MAST2: variants seen among roughly 807,000 people sequenced by gnomAD.
MAST2 encodes the protein microtubule-associated serine/threonine-protein kinase 2.
A neutral mutation model predicts 147.4 loss-of-function variants in MAST2; 70 were observed. The ratio of observed to expected loss-of-function variants is 0.47; its 90% CI spans 0.39 to 0.58. The LOEUF (loss-of-function observed/expected upper bound fraction) is 0.58. Ranked by LOEUF, MAST2 falls within the 20% of genes least tolerant of loss-of-function variation. MAST2 has a pLI of 0.00. For missense variants in MAST2, 2,080 were observed against 2,302.3 expected (o/e 0.90, Z 1.98); for synonymous variants, 869 against 896.8 (o/e 0.97, Z 0.55).
rs925617211 is a variant in MAST2 at position 46,016,211 on chromosome 1, C to T, written c.1189-3385C>T. Among the ~76,000 whole-genome samples the T allele has an allele frequency of 4.7e-5, 4 of 84,552 alleles. No homozygotes were observed. The Admixed American group carries it at 4.7e-4, about 10-fold the overall frequency. 55.5% of individuals were successfully genotyped at this position (84,552 alleles called of 152,430 possible). ...AGAGCTATCTATGACAAACCCACAG[C>T]CAATATCATACTGAATTGAATGGGC... On this transcript the variant is annotated intron_variant, in intron 10 of 28. Transcript: ENST00000361297.
rs971810223 is a variant in MAST2 at position 45,894,392 on chromosome 1, T to C, written c.500+11997T>C. Among the ~76,000 whole-genome samples the C allele has an allele frequency of 2.0e-5, 3 of 152,258 alleles. No individual in the cohort carries two copies. The East Asian group carries it at 5.8e-4, about 29-fold the overall frequency. ...ATTTAACCGAAGTGACGGTAAAACA[T>C]TTATAAACAAACATAGAAAGTAACA... is the stretch of plus-strand genomic sequence containing the variant. On this transcript the variant is annotated intron_variant, in intron 4 of 28. Transcript: ENST00000361297.
intron 4 of MAST2, 131 bp downstream of exon 4, chr1:45,882,526 T>C: frequency 1.5e-6 from 1 of 674,218 alleles, no homozygotes; most frequent in Non-Finnish European, 2.5e-6. Context: ...CTATCTGAGC[T>C]AGGGAAGCCA....
Position 46,035,154 on chromosome 1 carries a change from A to G in MAST2, c.4485A>G (p.Gln1495=). 1.2e-6 allele frequency: 2 copies of G among 1,613,918 alleles called. No individual in the cohort carries two copies. The highest frequency in any genetic ancestry group is 1.7e-6 in the Non-Finnish European group (2 of 1,180,024). The part of the protein sequence containing the change: ...RAERRESLQK[Q]EAIREVDSSE... ...AACGACGGGAGTCGCTGCAGAAGCA[A>G]GAAGCCATTCGTGAGGTGGACTCCT... The change falls in exon 29 of 29, where the codon CAA becomes CAG. Residue 1495 remains glutamine (Q), a synonymous_variant. Transcript: ENST00000361297. The surrounding 1 kb of genome is among the most constrained non-coding windows in gnomAD (Gnocchi z 5.5).
intron 4 of MAST2, among the ~76,000 whole-genome samples, chr1:45,908,442 C>T (rs1651132882): frequency 6.6e-6 from 1 of 152,116 alleles, no homozygotes; most frequent in Non-Finnish European, 1.5e-5. Flanking sequence ...TGCCTCTAAG[C>T]ACTCCTTTAA....
chr1:45,847,402 A>G lies in MAST2; in HGVS notation c.468+17821A>G, dbSNP rs1400627391. 7 of 537,270 alleles carry G rather than the reference A, an allele frequency of 1.3e-5. No homozygotes were observed. In the East Asian group the frequency reaches 1.4e-4, roughly 11 times the overall value. The allele number at this position is 537,270 out of a possible 1,614,324, so 33.3% of individuals were successfully genotyped here. On this transcript the variant is annotated intron_variant, in intron 3 of 28. Coordinates refer to ENST00000361297, the MANE Select transcript of MAST2 (RefSeq NM_015112.3). ...TTAGTTCACAAGCATCTTTGTTTGA[A>G]TATCTTTTTTTGGGGGGGATCAAGA... is the stretch of plus-strand genomic sequence containing the variant.
At chr1:45,997,002 G>C (rs1199576036) in intron 5 of MAST2, among the ~76,000 whole-genome samples, 1 of 152,118 alleles carries the variant, frequency 6.6e-6, no homozygotes, top group African/African-American at 2.4e-5. Context: ...CCAACAAGGG[G>C]CTCCTACGTA....
chr1:45,994,286 T>TTTTTTTTTA (rs1644965041), intron 5 of MAST2, among the ~76,000 whole-genome samples: 1 of 136,418 alleles, frequency 7.3e-6, no homozygotes. Flanking sequence ...TTTTTTTTTT[T>TTTTTTTTTA]TTTTTTTTTT....
At position 45,804,044 on chromosome 1, in the gene MAST2, G is replaced by T; in HGVS notation, c.149G>T (p.Gly50Val). ...AGGCAGCGGCTGGAGGAGCGGACGG[G>T]CCCCGCGGGGCCCGAGGGCAAGGAG... ...PGRQRLEERT[G>V]PAGPEGKEQD... The change falls in exon 1 of 29, where the codon GGC becomes GTC. Residue 50 changes from glycine to valine, a missense_variant. Around this residue, in one of 4 missense-constraint regions of MAST2, gnomAD observed 569 missense variants for 642.5 expected, o/e 0.89. Coordinates refer to ENST00000361297, the MANE Select transcript of MAST2 (RefSeq NM_015112.3). 7.9e-7 allele frequency: 1 copy of T among 1,270,260 alleles called. No homozygotes were observed. Among genetic ancestry groups the T allele is most frequent in the Non-Finnish European group, 1.0e-6 (1 of 997,224 alleles). The allele number at this position is 1,270,260 out of a possible 1,614,324, so 78.7% of individuals were successfully genotyped here.
At chr1:46,029,793 T>C in intron 19 of MAST2, 38 bp from the exon 20 acceptor site, 1 of 1,610,074 alleles carries the variant, frequency 6.2e-7, no homozygotes, top group Non-Finnish European at 8.5e-7. Flanking sequence ...TCCATGCTGC[T>C]CATCCTACCC....
intron 26 of MAST2, among the ~76,000 whole-genome samples, chr1:46,033,134 C>A (rs1383193289): frequency 6.6e-6 from 1 of 151,984 alleles, no homozygotes; most frequent in Non-Finnish European, 1.5e-5. Context: ...ATTAGCCAAG[C>A]GTGGTGGTAG....
In MAST2 at chr1:46,034,873, C is replaced by A; in HGVS notation, c.4204C>A (p.Leu1402Ile). ...TGCGGAGCCACCCCGTTCACCACTA[C>A]TCAAGAGGGTGCAGTCGGCTGAGAA... ...KSAEPPRSPL[L>I]KRVQSAEKLA... is the part of the protein sequence containing the mutation. The change falls in exon 29 of 29, where the codon CTC becomes ATC. Residue 1402 changes from leucine (L) to isoleucine (I), a missense_variant. This residue lies in a region of MAST2 where 1,278 missense variants were observed against 1,304.2 expected (regional missense o/e 0.98). Transcript: ENST00000361297. 1 of 1,614,264 alleles carries A rather than the reference C, an allele frequency of 6.2e-7. No individual in the cohort carries two copies. Among genetic ancestry groups the A allele is most frequent in the South Asian group, 1.1e-5 (1 of 91,090 alleles).
chr1:45,954,867 G>C (rs1391496102), intron 4 of MAST2, among the ~76,000 whole-genome samples: 1 of 152,224 alleles, frequency 6.6e-6, no homozygotes, highest in African/African-American at 2.4e-5. Context: ...TTTAAATAAG[G>C]TTAAGGCAAA....
At chr1:45,920,431 G>A (rs763676006) in intron 4 of MAST2, among the ~76,000 whole-genome samples, 1 of 152,122 alleles carries the variant, frequency 6.6e-6, no homozygotes, top group Non-Finnish European at 1.5e-5. Flanking sequence ...CAGTCTTAGG[G>A]CTTATTTTGC....
chr1:45,907,093 G>A (rs1338995297), intron 4 of MAST2, among the ~76,000 whole-genome samples: 1 of 152,122 alleles, frequency 6.6e-6, no homozygotes, highest in East Asian at 1.9e-4. Context: ...TATACTCCAT[G>A]ATGTTCACAT....
In MAST2 at chr1:46,000,334, A is replaced by G. The variant is rs189980044; in HGVS notation, c.669-2471A>G. On this transcript the variant is annotated intron_variant, in intron 6 of 28. Transcript: ENST00000361297. The stretch of plus-strand genomic sequence containing the variant: ...ATCTGAAACAAAACAAAACAAAAAA[A>G]GAACAGGAAGAGACTAAAGCCAGAG... Among the ~76,000 whole-genome samples the G allele has an allele frequency of 2.6e-5, 4 of 152,356 alleles. No homozygotes were observed. In the East Asian group the frequency reaches 7.7e-4, roughly 29 times the overall value.
At chr1:45,924,156 AC>A (rs1253430250) in intron 4 of MAST2, among the ~76,000 whole-genome samples, 1 of 152,152 alleles carries the variant, frequency 6.6e-6, no homozygotes, top group Non-Finnish European at 1.5e-5. Context: ...GGCATGAGCC[AC>A]CACACTCGGC....
chr1:45,893,646 A>G (rs936998845), intron 4 of MAST2, among the ~76,000 whole-genome samples: 5 of 152,054 alleles, frequency 3.3e-5, no homozygotes, highest in African/African-American at 1.2e-4. Flanking sequence ...GTTTCCTAAA[A>G]TCTGGCAGAG....
At chr1:45,843,588 G>A (rs1645341163) in intron 3 of MAST2, among the ~76,000 whole-genome samples, 1 of 152,074 alleles carries the variant, frequency 6.6e-6, no homozygotes, top group African/African-American at 2.4e-5. Context: ...AATCACCATG[G>A]GAGAGAGTAA....
intron 4 of MAST2, among the ~76,000 whole-genome samples, chr1:45,897,039 T>C (rs1326235981): frequency 6.6e-6 from 1 of 152,244 alleles, no homozygotes; most frequent in Non-Finnish European, 1.5e-5. Context: ...AACATAACAT[T>C]GAATTTTCCT....
Sources: gnomAD v4.1 joint callset for allele counts (sites outside exome capture counted in the v4.1 genomes callset) on GRCh38, gnomAD v4.1.1 for gene constraint, gnomAD v4.1.1 regional missense constraint, Gnocchi (gnomAD v3.1) non-coding constraint, MANE v1.5 for transcripts, NCBI Gene and HGNC (gene_info 2026-07-23, HGNC 2026-07-21) for gene names.